The following GARRE1 variants were observed in gnomAD, a reference collection of about 807,000 sequenced individuals.
GARRE1 encodes granule associated Rac and RHOG effector 1.
A neutral mutation model predicts 103.2 loss-of-function variants in GARRE1; 49 were observed. The observed-to-expected ratio is 0.47, with a 90% confidence interval of 0.38 to 0.60. GARRE1 has a LOEUF of 0.60. Among genes scored for constraint, GARRE1 ranks in the 20% least tolerant of loss-of-function variants. The probability of loss-of-function intolerance (pLI) is 0.00; values close to 1 mark genes in which losing one functional copy is unlikely to be tolerated. For synonymous variants in GARRE1, 505 were observed against 532.8 expected (o/e 0.95, Z 0.72); for missense variants, 1,199 against 1,370.5 (o/e 0.87, Z 1.98).
In GARRE1 at chr19:34,262,287, C is replaced by CTTTTT. The variant is rs1018456778; in HGVS notation, c.-796+7697_-796+7701dup. Among the ~76,000 whole-genome samples, 25 of 35,762 alleles carry CTTTTT rather than the reference C, an allele frequency of 7.0e-4. 7 individuals carry two copies. The highest frequency in any genetic ancestry group is 1.5e-3 in the African/African-American group (14 of 9,518). 23.5% of individuals were successfully genotyped at this position (35,762 alleles called of 152,430 possible). A position where few individuals can be genotyped will look rare whatever the true frequency, so the allele number is the denominator to read the frequency against. ...AGTGAGCCACCATGCCCAGCTGCTG[C>CTTTTT]TTTTTTTTTTTTTTTTTTTTTTTTT... is the stretch of plus-strand genomic sequence containing the variant. On this transcript the variant is annotated intron_variant, in intron 1 of 13. Coordinates refer to ENST00000299505, the MANE Select transcript of GARRE1 (RefSeq NM_014686.5).
intron 1 of GARRE1, among the ~76,000 whole-genome samples, chr19:34,264,051 C>T (rs2073736327): frequency 6.6e-6 from 1 of 152,106 alleles, no homozygotes; most frequent in Non-Finnish European, 1.5e-5. Context: ...TGTTTGTCGT[C>T]GTCTCTGTTG....
chr19:34,292,766 G>A (rs2073925420), intron 1 of GARRE1, among the ~76,000 whole-genome samples: 1 of 147,304 alleles, frequency 6.8e-6, no homozygotes, highest in African/African-American at 2.5e-5. Context: ...TTTGAGTCTC[G>A]CTCCATCACC....
At chr19:34,272,756 G>T (rs186608300) in intron 1 of GARRE1, among the ~76,000 whole-genome samples, 16 of 152,320 alleles carry the variant, frequency 1.1e-4, no homozygotes, top group Admixed American at 2.0e-4. Context: ...GATGGTGCAA[G>T]AATGGAGAGC....
chr19:34,308,717 A>G (rs1453261845), intron 2 of GARRE1, among the ~76,000 whole-genome samples: 1 of 152,206 alleles, frequency 6.6e-6, no homozygotes, highest in Admixed American at 6.5e-5. Flanking sequence ...CAACCAACTC[A>G]TTATTCTGAT....
At chr19:34,319,871 A>G in intron 2 of GARRE1, 36 bp from the exon 3 acceptor site, 1 of 1,595,140 alleles carries the variant, frequency 6.3e-7, no homozygotes, top group Non-Finnish European at 8.6e-7. Flanking sequence ...ACAGCAACCC[A>G]CAACCTAAAC....
chr19:34,289,440 T>C (rs1723008121), intron 1 of GARRE1, among the ~76,000 whole-genome samples: 1 of 147,750 alleles, frequency 6.8e-6, no homozygotes, highest in Admixed American at 6.8e-5. Context: ...AGATTCCATC[T>C]CCAAGGCCAG....
At chr19:34,286,898 G>C (rs2073890339) in intron 1 of GARRE1, among the ~76,000 whole-genome samples, 1 of 152,124 alleles carries the variant, frequency 6.6e-6, no homozygotes, top group Admixed American at 6.5e-5. Flanking sequence ...GCTGTCAGCA[G>C]ATTTTCAGTG....
chr19:34,348,912 T>C, intron 11 of GARRE1, 104 bp from the exon 12 acceptor site: 1 of 1,335,308 alleles, frequency 7.5e-7, no homozygotes, highest in Non-Finnish European at 1.0e-6. Context: ...AGACCACTAT[T>C]TGGTTATGGG....
intron 1 of GARRE1, among the ~76,000 whole-genome samples, chr19:34,298,655 A>C (rs1398057147): frequency 6.6e-6 from 1 of 151,992 alleles, no homozygotes; most frequent in Non-Finnish European, 1.5e-5. Flanking sequence ...GGTTGTGGTG[A>C]GCTGAGACCA....
intron 1 of GARRE1, among the ~76,000 whole-genome samples, chr19:34,298,968 C>T (rs1013223545): frequency 2.0e-5 from 3 of 152,148 alleles, no homozygotes; most frequent in Admixed American, 6.5e-5. Flanking sequence ...CCTTGCCAGG[C>T]TCCCGCTCTG....
intron 1 of GARRE1, among the ~76,000 whole-genome samples, chr19:34,293,664 G>C (rs2073930154): frequency 7.1e-6 from 1 of 141,310 alleles, no homozygotes; most frequent in Admixed American, 7.2e-5. Flanking sequence ...CAAAGTGCTA[G>C]GATTACAGGT....
chr19:34,313,170 C>T (rs984065534), intron 2 of GARRE1, among the ~76,000 whole-genome samples: 6 of 152,056 alleles, frequency 3.9e-5, no homozygotes, highest in African/African-American at 1.2e-4. Flanking sequence ...GGTTGAGGTC[C>T]AGAACTTGGA....
At chr19:34,327,924 G>A in intron 5 of GARRE1, 58 bp downstream of exon 5, 1 of 1,613,472 alleles carries the variant, frequency 6.2e-7, no homozygotes, top group East Asian at 2.2e-5. Flanking sequence ...GCAGTCTAGT[G>A]TGAACCAAGT....
intron 1 of GARRE1, among the ~76,000 whole-genome samples, chr19:34,277,091 G>A (rs886299428): frequency 1.3e-5 from 2 of 152,134 alleles, no homozygotes; most frequent in Non-Finnish European, 2.9e-5. Flanking sequence ...GGAGCTTTCT[G>A]GATAGAGGCA....
chr19:34,274,013 A>G (rs1483024649), intron 1 of GARRE1, among the ~76,000 whole-genome samples: 2 of 152,072 alleles, frequency 1.3e-5, no homozygotes, highest in Non-Finnish European at 2.9e-5. Flanking sequence ...CATTTGGAAG[A>G]TCACTCAGGA....
chr19:34,309,178 G>A (rs8104407), intron 2 of GARRE1, among the ~76,000 whole-genome samples: 14,505 of 151,950 alleles, frequency 0.095, 1,086 homozygotes, highest in African/African-American at 0.2. Context: ...GCAATACCAC[G>A]AGAAGGCAAC....
chr19:34,269,648 G>C (rs545950286), intron 1 of GARRE1, among the ~76,000 whole-genome samples: 2 of 152,204 alleles, frequency 1.3e-5, no homozygotes, highest in East Asian at 3.9e-4. Context: ...CTGCAACCAT[G>C]AACACCTGGG....
chr19:34,261,662 G>A (rs1278573308), intron 1 of GARRE1, among the ~76,000 whole-genome samples: 1 of 152,166 alleles, frequency 6.6e-6, no homozygotes, highest in Non-Finnish European at 1.5e-5. Flanking sequence ...GGCATGACAC[G>A]TCCAAAGGTG....
intron 2 of GARRE1, among the ~76,000 whole-genome samples, chr19:34,313,954 C>T: frequency 6.6e-6 from 1 of 152,106 alleles, no homozygotes; most frequent in East Asian, 1.9e-4. Flanking sequence ...GCATGCACCA[C>T]CACGCCCGGC....
Sources: gnomAD v4.1 joint callset for allele counts (sites outside exome capture counted in the v4.1 genomes callset) on GRCh38, gnomAD v4.1.1 for gene constraint, MANE v1.5 for transcripts, NCBI Gene and HGNC (gene_info 2026-07-23, HGNC 2026-07-21) for gene names.